VSNL1: variants seen among roughly 807,000 people sequenced by gnomAD.
VSNL1 encodes the protein visinin-like protein 1.
VSNL1 carries 6 observed loss-of-function variants against 20.4 expected under a neutral mutation model. That is an observed-to-expected ratio of 0.29 (90% CI 0.16 to 0.58). The LOEUF (loss-of-function observed/expected upper bound fraction) is 0.58. VSNL1 is among the 20% of genes least tolerant of loss of function. The probability of loss-of-function intolerance (pLI) is 0.90; values close to 1 mark genes in which losing one functional copy is unlikely to be tolerated. For missense variants in VSNL1, 100 were observed against 234.5 expected (o/e 0.43, Z 3.75); for synonymous variants, 93 against 86.4 (o/e 1.08, Z -0.42).
chr2:17,559,074 C>T (rs1663751852), intron 1 of VSNL1, among the ~76,000 whole-genome samples: 1 of 152,034 alleles, frequency 6.6e-6, no homozygotes, highest in African/African-American at 2.4e-5. Context: ...AGGTGGCTTG[C>T]ACCTCATGAT....
intron 1 of VSNL1, chr2:17,567,396 T>TCGCC (rs1331316586): frequency 6.9e-6 from 1 of 145,630 alleles, no homozygotes; most frequent in Non-Finnish European, 1.5e-5. Context: ...TCTGCCTCTG[T>TCGCC]CGCCCAGGCT....
chr2:17,584,849 C>A (rs962807032), intron 1 of VSNL1, among the ~76,000 whole-genome samples: 6 of 152,168 alleles, frequency 3.9e-5, no homozygotes, highest in Non-Finnish European at 7.4e-5. Flanking sequence ...AACATACTAA[C>A]TCGCTATGTT....
upstream of VSNL1, chr2:17,540,686 T>A (rs575221680): frequency 6.6e-6 from 1 of 152,618 alleles, no homozygotes; most frequent in South Asian, 2.1e-4. Flanking sequence ...AGGTTTTCTA[T>A]GGGATTCCCA....
chr2:17,630,775 TA>T (rs1280661610), intron 2 of VSNL1, among the ~76,000 whole-genome samples: 1 of 152,180 alleles, frequency 6.6e-6, no homozygotes. Context: ...AACGGCATTT[TA>T]TTTTTTTTTA....
intron 2 of VSNL1, among the ~76,000 whole-genome samples, chr2:17,596,677 T>C (rs546664018): frequency 1.3e-5 from 2 of 152,314 alleles, no homozygotes; most frequent in South Asian, 4.1e-4. Context: ...ACTTTCAAGA[T>C]TATTTTCATC....
At chr2:17,548,837 C>T (rs919201161) in intron 1 of VSNL1, among the ~76,000 whole-genome samples, 11 of 152,284 alleles carry the variant, frequency 7.2e-5, no homozygotes, top group Admixed American at 7.2e-4. Context: ...CTAACTGAAT[C>T]AATGCCCTAG....
At chr2:17,548,143 A>G (rs1430723557) in intron 1 of VSNL1, among the ~76,000 whole-genome samples, 1 of 152,124 alleles carries the variant, frequency 6.6e-6, no homozygotes, top group Non-Finnish European at 1.5e-5. Flanking sequence ...CAATAAAGAA[A>G]AGATACCTTC....
intron 1 of VSNL1, among the ~76,000 whole-genome samples, chr2:17,543,471 T>C (rs1445940515): frequency 6.6e-6 from 1 of 152,228 alleles, no homozygotes; most frequent in African/African-American, 2.4e-5. Context: ...GTGAGGAAGC[T>C]GCAGGGTTTC....
At chr2:17,583,655 T>C (rs1572346867) in intron 1 of VSNL1, among the ~76,000 whole-genome samples, 1 of 152,144 alleles carries the variant, frequency 6.6e-6, no homozygotes, top group South Asian at 2.1e-4. Context: ...GAGCAAGAAA[T>C]TGGATGGAAA....
At chr2:17,555,928 G>C (rs1254469997) in intron 1 of VSNL1, among the ~76,000 whole-genome samples, 1 of 152,118 alleles carries the variant, frequency 6.6e-6, no homozygotes, top group African/African-American at 2.4e-5. Context: ...AGATCCTTAA[G>C]ACAAATATCT....
chr2:17,579,434 A>C (rs892729859), intron 1 of VSNL1, among the ~76,000 whole-genome samples: 6 of 152,152 alleles, frequency 3.9e-5, no homozygotes, highest in African/African-American at 1.4e-4. Context: ...ACTTCTTTCT[A>C]TATAGTCTAG....
intron 2 of VSNL1, among the ~76,000 whole-genome samples, chr2:17,600,786 A>G (rs1386043957): frequency 1.3e-5 from 2 of 152,206 alleles, no homozygotes; most frequent in South Asian, 2.1e-4. Flanking sequence ...GTTTGCCAAT[A>G]TGATTGAGGC....
intron 1 of VSNL1, among the ~76,000 whole-genome samples, chr2:17,566,878 T>C (rs1463611625): frequency 6.6e-6 from 1 of 152,184 alleles, no homozygotes; most frequent in Non-Finnish European, 1.5e-5. Flanking sequence ...TTGAATATAT[T>C]TTTCTTTCTC....
In VSNL1 at chr2:17,592,696, C is replaced by T. The variant is rs190730604; in HGVS notation, c.162+460C>T. On this transcript the variant is annotated intron_variant, in intron 2 of 3. Transcript: ENST00000295156. ...TTTTTTTTTACCAGAAAAGATACTC[C>T]TGTATCCAGATAAGAACCCAGATTC... Among the ~76,000 whole-genome samples, 247 of 110,590 alleles carry T rather than the reference C, an allele frequency of 2.2e-3. 1 individual carries two copies. The highest frequency in any genetic ancestry group is 2.9e-3 in the Non-Finnish European group (173 of 59,960). 72.6% of individuals were successfully genotyped at this position (110,590 alleles called of 152,430 possible).
intron 2 of VSNL1, among the ~76,000 whole-genome samples, chr2:17,607,435 A>C (rs1048967535): frequency 2.0e-5 from 3 of 152,224 alleles, no homozygotes; most frequent in Non-Finnish European, 4.4e-5. Flanking sequence ...ACCCTGTTCA[A>C]GGGACAGAAT....
chr2:17,653,594 G>A (rs1322811828), intron 3 of VSNL1, among the ~76,000 whole-genome samples: 3 of 152,188 alleles, frequency 2.0e-5, no homozygotes, highest in Non-Finnish European at 4.4e-5. Flanking sequence ...TTCTTAAAGT[G>A]TTCCATGATA....
intron 2 of VSNL1, among the ~76,000 whole-genome samples, chr2:17,632,981 C>A (rs889143241): frequency 8.5e-5 from 13 of 152,144 alleles, no homozygotes; most frequent in African/African-American, 2.9e-4. Context: ...TGGTGAAACC[C>A]TGTTTCTTAG....
At chr2:17,572,398 A>G (rs536750680) in intron 1 of VSNL1, among the ~76,000 whole-genome samples, 57 of 152,246 alleles carry the variant, frequency 3.7e-4, no homozygotes, top group Middle Eastern at 6.8e-3. Context: ...TCCACAGAGA[A>G]CATCCAGGGC....
At chr2:17,597,917 TC>T (rs1451651456) in intron 2 of VSNL1, among the ~76,000 whole-genome samples, 6 of 152,190 alleles carry the variant, frequency 3.9e-5, no homozygotes, top group African/African-American at 1.4e-4. Context: ...CTGGTGGAAT[TC>T]CCTTCAATGA....
Sources: allele counts gnomAD v4.1 joint callset (sites outside exome capture counted in the v4.1 genomes callset), GRCh38; gene constraint gnomAD v4.1.1; transcripts MANE v1.5; gene names NCBI Gene and HGNC (gene_info 2026-07-23, HGNC 2026-07-21).